The following ENDOV variants were observed in gnomAD, a reference collection of about 807,000 sequenced individuals.
The protein encoded by ENDOV is endonuclease V, also known as hEndoV.
ENDOV carries 37 observed loss-of-function variants against 39.4 expected under a neutral mutation model. That is an observed-to-expected ratio of 0.94 (90% confidence interval 0.72 to 1.23). ENDOV has a LOEUF of 1.23. Among genes scored for constraint, ENDOV ranks in the 50% most tolerant of loss-of-function variants. The pLI is 0.00. For synonymous variants in ENDOV, 186 were observed against 163.4 expected (o/e 1.14, Z -1.05); for missense variants, 441 against 375.7 (o/e 1.17, Z -1.44).
At position 80,431,094 on chromosome 17, in the gene ENDOV, C is replaced by T. The variant is rs1017236298; in HGVS notation, c.838+1263C>T. Reference sequence around the variant, plus strand: ...CCCTGGAATCCTTTCTTGCCATTCACCTGACCTCTACAAGAAGGGGCCGGT... The same window carrying T: ...CCCTGGAATCCTTTCTTGCCATTCATCTGACCTCTACAAGAAGGGGCCGGT... On this transcript the variant is annotated intron_variant, in intron 9 of 9. Coordinates refer to ENST00000518137, the MANE Select transcript of ENDOV (RefSeq NM_173627.5). Among the ~76,000 whole-genome samples, 3 of 152,224 alleles carry T rather than the reference C, an allele frequency of 2.0e-5. No homozygotes were observed. The East Asian group carries it at 5.8e-4, about 29-fold the overall frequency.
At position 80,422,297 on chromosome 17, in the gene ENDOV, G is replaced by A. The variant is rs1267846191; in HGVS notation, c.403+52G>A. ...AGGGCACTGTGGGGAAGAGCGGGGG[G>A]AGAGGGCACCTCTGTCGTCCCCCAC... On this transcript the variant is annotated intron_variant, in intron 4 of 9. Coordinates refer to ENST00000518137, the MANE Select transcript of ENDOV (RefSeq NM_173627.5). The A allele has an allele frequency of 2.5e-6, 4 of 1,598,522 alleles. No individual in the cohort carries two copies. In the African/African-American group the frequency reaches 4.0e-5, roughly 16 times the overall value.
chr17:80,436,330 G>A lies in ENDOV; in HGVS notation c.*187G>A. ...TTCCTGATCGAACGTGGTGGTGAGAGCACACGTCCTTGTCTTGTTCCTGAT... is the reference window on the plus strand; with the variant it reads ...TTCCTGATCGAACGTGGTGGTGAGAACACACGTCCTTGTCTTGTTCCTGAT... On this transcript the variant is annotated 3_prime_UTR_variant, in exon 10 of 10. Transcript: ENST00000518137. 2.6e-6 allele frequency: 4 copies of A among 1,562,966 alleles called. No homozygotes were observed. Among genetic ancestry groups the A allele is most frequent in the Admixed American group, 1.7e-5 (1 of 57,450 alleles).
At chr17:80,424,978 C>G in intron 5 of ENDOV, 54 bp from the exon 6 acceptor site, 1 of 1,466,602 alleles carries the variant, frequency 6.8e-7, no homozygotes, top group Non-Finnish European at 9.4e-7. Flanking sequence ...TTGCCTTCAG[C>G]CCTTCACCAA....
chr17:80,425,117 C>T lies in ENDOV; in HGVS notation c.585+17C>T. On this transcript the variant is annotated intron_variant, in intron 6 of 9. Coordinates refer to ENST00000518137, the MANE Select transcript of ENDOV (RefSeq NM_173627.5). ...CTGGGAATGGTGAGTAGCTAGGGCC[C>T]TGAGCTCCTCCAAAGCCCCGGGGTA... 1 of 1,598,944 alleles carries T rather than the reference C, an allele frequency of 6.3e-7. No homozygotes were observed. Among genetic ancestry groups the T allele is most frequent in the Non-Finnish European group, 8.5e-7 (1 of 1,172,386 alleles).
At chr17:80,421,739 A>T in intron 2 of ENDOV, 89 bp from the exon 3 acceptor site, 1 of 1,491,430 alleles carries the variant, frequency 6.7e-7, no homozygotes, top group South Asian at 1.2e-5. Context: ...GGGAGAGGGA[A>T]GGATGAGGGG....
intron 9 of ENDOV, among the ~76,000 whole-genome samples, chr17:80,433,599 G>T (rs1460167793): frequency 6.6e-6 from 1 of 152,258 alleles, no homozygotes; most frequent in Non-Finnish European, 1.5e-5. Context: ...CTTCCCAGGG[G>T]GCCGGGAGAC....
chr17:80,422,322 C>G lies in ENDOV; in HGVS notation c.403+77C>G, dbSNP rs906910430. On this transcript the variant is annotated intron_variant, in intron 4 of 9. Coordinates refer to ENST00000518137, the MANE Select transcript of ENDOV (RefSeq NM_173627.5). Reference sequence around the variant, plus strand: ...GAGAGGGCACCTCTGTCGTCCCCCACAGAAAATGCTGGGCCCTCGGCCTCT... The same window carrying G: ...GAGAGGGCACCTCTGTCGTCCCCCAGAGAAAATGCTGGGCCCTCGGCCTCT... The G allele has an allele frequency of 2.0e-5, 31 of 1,554,626 alleles. No homozygotes were observed. The African/African-American group carries it at 2.2e-4, about 11-fold the overall frequency.
intron 9 of ENDOV, chr17:80,430,149 C>A (rs1054847552): frequency 1.3e-6 from 2 of 1,513,868 alleles, no homozygotes; most frequent in African/African-American, 2.8e-5. Context: ...CTCTTTGCTC[C>A]GTCATCGGCT....
intron 8 of ENDOV, 74 bp downstream of exon 8, chr17:80,428,734 A>C: frequency 1.4e-6 from 2 of 1,415,986 alleles, no homozygotes; most frequent in South Asian, 1.3e-5. Flanking sequence ...CCGGTGGCTC[A>C]GCCTCTCCTT....
chr17:80,423,904 G>A (rs2082365867), intron 5 of ENDOV: 1 of 490,146 alleles, frequency 2.0e-6, no homozygotes, highest in Non-Finnish European at 3.6e-6. Context: ...CACCAAGTAG[G>A]GCTAAGTCCT....
At position 80,431,945 on chromosome 17, in the gene ENDOV, C is replaced by T. The variant is rs41301902; in HGVS notation, c.838+2114C>T. ...GGGTGGAGTTGACAGCCGGTGAGGC[C>T]GGCTTTGAGGTTGTGTGGACCCTGT... On this transcript the variant is annotated intron_variant, in intron 9 of 9. Transcript: ENST00000518137. Among the ~76,000 whole-genome samples, 1,440 of 152,154 alleles carry T rather than the reference C, an allele frequency of 9.5e-3. 22 individuals are homozygous for T. The highest frequency in any genetic ancestry group is 0.033 in the African/African-American group (1,350 of 41,514).
At position 80,421,748 on chromosome 17, in the gene ENDOV, G is replaced by C. The variant is rs1051305694; in HGVS notation, c.229-80G>C. Reference sequence around the variant, plus strand: ...ACGTAAGGGAGAGGGAAGGATGAGGGGGGCAGGGCATGGACGGACTGGGGA... The same window carrying C: ...ACGTAAGGGAGAGGGAAGGATGAGGCGGGCAGGGCATGGACGGACTGGGGA... On this transcript the variant is annotated intron_variant, in intron 2 of 9. Transcript: ENST00000518137. The C allele has an allele frequency of 1.1e-5, 16 of 1,516,052 alleles. No homozygotes were observed. In the Admixed American group the frequency reaches 3.0e-4, roughly 28 times the overall value. The allele number at this position is 1,516,052 out of a possible 1,614,324, so 93.9% of individuals were successfully genotyped here.
intron 8 of ENDOV, 49 bp downstream of exon 8, chr17:80,428,709 C>A (rs1418563787): frequency 6.6e-7 from 1 of 1,520,450 alleles, no homozygotes; most frequent in East Asian, 2.4e-5. Flanking sequence ...TCACAGACAC[C>A]TGCATGGGCT....
intron 9 of ENDOV, among the ~76,000 whole-genome samples, chr17:80,435,667 T>G (rs1295038675): frequency 1.3e-5 from 2 of 151,976 alleles, no homozygotes; most frequent in African/African-American, 2.4e-5. Context: ...CAGGCTGGTG[T>G]GCGGTGGCGT....
At chr17:80,415,948 G>A in intron 2 of ENDOV, 127 bp downstream of exon 2, 1 of 1,280,002 alleles carries the variant, frequency 7.8e-7, no homozygotes, top group Admixed American at 3.0e-5. Context: ...TTAATAGTCT[G>A]GGGAGTTGGC....
chr17:80,429,782 G>A lies in ENDOV; in HGVS notation c.789G>A (p.Lys263=). The A allele has an allele frequency of 6.2e-7, 1 of 1,600,294 alleles. No individual in the cohort carries two copies. Among genetic ancestry groups the A allele is most frequent in the Middle Eastern group, 1.7e-4 (1 of 5,976 alleles). The change falls in exon 9 of 10, where the codon AAG becomes AAA. Residue 263 remains lysine (K), a synonymous_variant. Coordinates refer to ENST00000518137, the MANE Select transcript of ENDOV (RefSeq NM_173627.5). ...LPGPPTPRSP[K]AQRPVACPKG... is the part of the protein sequence containing the mutation. ...TCAATGTCATCACCAGGAGCCCGAA[G>A]GCGCAGAGGCCAGTGGCATGCCCCA...
chr17:80,421,291 C>T (rs1450904169), intron 2 of ENDOV, among the ~76,000 whole-genome samples: 1 of 76,374 alleles, frequency 1.3e-5, no homozygotes, highest in African/African-American at 4.4e-5. Context: ...GACCGGGTCC[C>T]GGGGAATCCT....
chr17:80,430,459 C>T (rs1488144151), intron 9 of ENDOV: 1 of 1,178,966 alleles, frequency 8.5e-7, no homozygotes, highest in Non-Finnish European at 1.1e-6. Flanking sequence ...TAAAGCAGGT[C>T]CTCAGCCCCA....
intron 7 of ENDOV, chr17:80,427,892 C>G (rs1040030887): frequency 8.1e-7 from 1 of 1,228,498 alleles, no homozygotes; most frequent in Non-Finnish European, 1.0e-6. Flanking sequence ...CCACTTCCCC[C>G]ATGAATGGAA....
Sources: gnomAD v4.1 joint callset for allele counts (sites outside exome capture counted in the v4.1 genomes callset) on GRCh38, gnomAD v4.1.1 for gene constraint, MANE v1.5 for transcripts, NCBI Gene and HGNC (gene_info 2026-07-23, HGNC 2026-07-21) for gene names.